Variants in CNTN5 observed in about 807,000 individuals in gnomAD.
The protein encoded by CNTN5 is contactin-5.
A neutral mutation model predicts 129.1 loss-of-function variants in CNTN5; 77 were observed. That is an observed-to-expected ratio of 0.60 (90% CI 0.50 to 0.72). The LOEUF (loss-of-function observed/expected upper bound fraction) is 0.72. Among genes scored for constraint, CNTN5 ranks in the 30% least tolerant of loss-of-function variants. The pLI, the probability that CNTN5 is intolerant of heterozygous loss-of-function variation, is 0.00. For synonymous variants in CNTN5, 509 were observed against 465.6 expected (o/e 1.09, Z -1.20); for missense variants, 1,478 against 1,328.8 (o/e 1.11, Z -1.75).
chr11:100,056,750 A>T (rs1046680767), intron 9 of CNTN5, among the ~76,000 whole-genome samples: 1 of 151,558 alleles, frequency 6.6e-6, no homozygotes, highest in Non-Finnish European at 1.5e-5. Context: ...CTGGGGAGTG[A>T]GGGGAGGAGT....
chr11:99,346,198 T>C (rs1937852000), intron 2 of CNTN5, among the ~76,000 whole-genome samples: 1 of 152,200 alleles, frequency 6.6e-6, no homozygotes, highest in Admixed American at 6.5e-5. Flanking sequence ...ATAAAGTATA[T>C]AGAAAGTCAG....
At chr11:100,139,175 C>G (rs1946614700) in intron 13 of CNTN5, among the ~76,000 whole-genome samples, 1 of 151,930 alleles carries the variant, frequency 6.6e-6, no homozygotes, top group African/African-American at 2.4e-5. Context: ...ACATTGGTAG[C>G]AGGAGATGTA....
In CNTN5 at chr11:99,306,877, T is replaced by G. The variant is rs74666622; in HGVS notation, c.-209-18469T>G. Among the ~76,000 whole-genome samples, 1,037 of 152,104 alleles carry G rather than the reference T, an allele frequency of 6.8e-3. 9 individuals carry two copies. Among genetic ancestry groups the G allele is most frequent in the African/African-American group, 0.023 (963 of 41,534 alleles). ...AGTGCTAAGTACAACATATTAAACTTCTAAAAGTATTAAGAAGTCATAAAC... is the reference window on the plus strand; with the variant it reads ...AGTGCTAAGTACAACATATTAAACTGCTAAAAGTATTAAGAAGTCATAAAC... On this transcript the variant is annotated intron_variant, in intron 1 of 24. Transcript: ENST00000524871.
intron 9 of CNTN5, among the ~76,000 whole-genome samples, chr11:100,043,876 A>G (rs1391217393): frequency 7.2e-5 from 11 of 152,158 alleles, no homozygotes; most frequent in Non-Finnish European, 1.2e-4. Flanking sequence ...TTGAGTTATT[A>G]CAGCATTCAC....
At chr11:99,672,640 A>G (rs1591457174) in intron 3 of CNTN5, among the ~76,000 whole-genome samples, 2 of 150,288 alleles carry the variant, frequency 1.3e-5, no homozygotes, top group African/African-American at 4.9e-5. Context: ...CCTGGCAACT[A>G]GATCACCTGC....
intron 1 of CNTN5, among the ~76,000 whole-genome samples, chr11:99,053,224 A>G (rs951780771): frequency 2.6e-5 from 4 of 152,062 alleles, no homozygotes; most frequent in African/African-American, 7.2e-5. Flanking sequence ...ATCTACTCCT[A>G]TATGTCAAAA....
chr11:99,436,865 CT>C (rs1247010111), intron 2 of CNTN5, among the ~76,000 whole-genome samples: 1 of 152,090 alleles, frequency 6.6e-6, no homozygotes, highest in Middle Eastern at 3.2e-3. Flanking sequence ...ATTTGAGTAC[CT>C]GAAAGCTTCA....
At chr11:100,303,234 T>A (rs1754594173) in intron 20 of CNTN5, among the ~76,000 whole-genome samples, 1 of 151,504 alleles carries the variant, frequency 6.6e-6, no homozygotes, top group African/African-American at 2.4e-5. Context: ...ACTTCAGACC[T>A]CTAGGGTATG....
At chr11:100,289,049 A>G (rs1322300969) in intron 18 of CNTN5, among the ~76,000 whole-genome samples, 1 of 152,222 alleles carries the variant, frequency 6.6e-6, no homozygotes, top group African/African-American at 2.4e-5. Flanking sequence ...CTCTCCAAAG[A>G]CTAAGCCAGG....
intron 9 of CNTN5, among the ~76,000 whole-genome samples, chr11:100,051,556 T>C (rs894202292): frequency 6.6e-6 from 1 of 151,834 alleles, no homozygotes; most frequent in Admixed American, 6.6e-5. Context: ...ACTTCTACCT[T>C]AAACAAATGG....
At chr11:99,868,989 C>G (rs925943434) in intron 6 of CNTN5, among the ~76,000 whole-genome samples, 1 of 152,160 alleles carries the variant, frequency 6.6e-6, no homozygotes, top group Admixed American at 6.5e-5. Flanking sequence ...TAAGTTGGAA[C>G]GTTCAGACCC....
chr11:99,753,113 T>C (rs946110298), intron 3 of CNTN5, among the ~76,000 whole-genome samples: 4 of 141,048 alleles, frequency 2.8e-5, no homozygotes, highest in Admixed American at 7.7e-5. Context: ...TTTTAAGCCA[T>C]ATTTGCTTTT....
intron 1 of CNTN5, among the ~76,000 whole-genome samples, chr11:99,110,524 G>T (rs2186834): frequency 0.54 from 81,661 of 151,942 alleles, 22,329 homozygotes; most frequent in African/African-American, 0.63. Flanking sequence ...CACCAGCAAA[G>T]GTGGTACTTC....
chr11:99,402,220 T>A (rs1341350476), intron 2 of CNTN5, among the ~76,000 whole-genome samples: 1 of 152,198 alleles, frequency 6.6e-6, no homozygotes, highest in Non-Finnish European at 1.5e-5. Context: ...CTATGTGGCT[T>A]TTATTATGTT....
At chr11:99,281,006 T>A (rs936077178) in intron 1 of CNTN5, among the ~76,000 whole-genome samples, 1 of 151,758 alleles carries the variant, frequency 6.6e-6, no homozygotes, top group Non-Finnish European at 1.5e-5. Context: ...CACAAAAATT[T>A]AAAAATCAGT....
chr11:100,133,553 T>C (rs1946437540), intron 13 of CNTN5, among the ~76,000 whole-genome samples: 1 of 152,154 alleles, frequency 6.6e-6, no homozygotes. Flanking sequence ...ATTGGGAATG[T>C]ATTTATAAGG....
rs540711102 is a variant in CNTN5 at position 99,580,332 on chromosome 11, A to C, written c.55+24063A>C. Among the ~76,000 whole-genome samples, 6 of 152,286 alleles carry C rather than the reference A, an allele frequency of 3.9e-5. No individual in the cohort carries two copies. In the South Asian group the frequency reaches 1.2e-3, roughly 32 times the overall value. ...TCTGCTCGGCTTTGGTATCAGGATG[A>C]TGCTGGCCTCATAAAATGAGTTAGG... is the stretch of plus-strand genomic sequence containing the variant. On this transcript the variant is annotated intron_variant, in intron 3 of 24. Coordinates refer to ENST00000524871, the MANE Select transcript of CNTN5 (RefSeq NM_014361.4).
At chr11:100,197,251 GT>G (rs1426363185) in intron 15 of CNTN5, among the ~76,000 whole-genome samples, 1 of 151,982 alleles carries the variant, frequency 6.6e-6, no homozygotes, top group African/African-American at 2.4e-5. Context: ...TGTTGAATAA[GT>G]TTAAAGGAAA....
At chr11:100,147,317 C>T (rs975049985) in intron 13 of CNTN5, among the ~76,000 whole-genome samples, 9 of 152,094 alleles carry the variant, frequency 5.9e-5, no homozygotes, top group Non-Finnish European at 8.8e-5. Flanking sequence ...TTTTTATCTC[C>T]CTTCTTCAGA....
Sources: allele counts gnomAD v4.1 joint callset (sites outside exome capture counted in the v4.1 genomes callset), GRCh38; gene constraint gnomAD v4.1.1; transcripts MANE v1.5; gene names NCBI Gene and HGNC (gene_info 2026-07-23, HGNC 2026-07-21).